DOCK8: variants seen among roughly 807,000 people sequenced by gnomAD.
DOCK8 encodes dedicator of cytokinesis protein 8.
In DOCK8, 141 loss-of-function variants were observed where a neutral mutation model predicts 245.6. The observed-to-expected ratio is 0.57, with a 90% CI of 0.50 to 0.66. DOCK8 has a LOEUF of 0.66. Among genes scored for constraint, DOCK8 ranks in the 30% least tolerant of loss-of-function variants. DOCK8 has a pLI of 0.00. For missense variants in DOCK8, 2,965 were observed against 2,603.4 expected (o/e 1.14, Z -3.02); for synonymous variants, 1,168 against 970.2 (o/e 1.20, Z -3.79).
chr9:439,337 C>T lies in DOCK8; in HGVS notation c.5172C>T (p.Thr1724=), dbSNP rs773729026. The T allele has an allele frequency of 7.4e-5, 119 of 1,614,130 alleles. 1 individual carries two copies. Among genetic ancestry groups the T allele is most frequent in the Admixed American group, 5.7e-4 (34 of 60,032 alleles). Residue 1724 remains threonine, a synonymous_variant, in exon 40 of 48, where the codon ACC becomes ACT. Coordinates refer to ENST00000432829, the MANE Select transcript of DOCK8 (RefSeq NM_203447.4). ...EDGVCAGQYF[T]ESGLVGLLEQ... is the part of the protein sequence containing the mutation. ...GGGTGTGCGCAGGCCAGTACTTCAC[C>T]GAGAGTGGCCTGGTAGGCCTCCTGG...
Position 464,225 on chromosome 9 carries a change from G to A in DOCK8, c.*6G>A. ...AGTTGTCACAGGGCAGCTAAGAAAA[G>A]CCATCTTCATTCGTGGAGACTGTGG... On this transcript the variant is annotated 3_prime_UTR_variant, in exon 48 of 48. Transcript: ENST00000432829. The A allele has an allele frequency of 1.9e-6, 3 of 1,613,024 alleles. No individual in the cohort carries two copies. The Admixed American group carries it at 5.0e-5, about 27-fold the overall frequency.
intron 2 of DOCK8, chr9:284,687 C>G (rs765958290): frequency 7.9e-5 from 12 of 152,184 alleles, no homozygotes; most frequent in Non-Finnish European, 1.6e-4. Context: ...GACATGGAAT[C>G]AACTTAAATG....
intron 6 of DOCK8, chr9:312,831 G>A (rs918889431): frequency 6.2e-5 from 13 of 210,230 alleles, no homozygotes; most frequent in Admixed American, 1.6e-4. Flanking sequence ...TACTGTATAG[G>A]AGGCTCTCAG....
intron 29 of DOCK8, among the ~76,000 whole-genome samples, chr9:416,042 C>G (rs2055991224): frequency 6.6e-6 from 1 of 152,228 alleles, no homozygotes; most frequent in East Asian, 1.9e-4. Flanking sequence ...AAGTAATTCT[C>G]TCCTTTCTTG....
intron 1 of DOCK8, among the ~76,000 whole-genome samples, chr9:220,030 T>A (rs2046847942): frequency 6.6e-6 from 1 of 152,230 alleles, no homozygotes; most frequent in Non-Finnish European, 1.5e-5. Flanking sequence ...TGTATTCAAA[T>A]GTATAGATGT....
At chr9:275,393 G>C (rs1477647764) in intron 2 of DOCK8, among the ~76,000 whole-genome samples, 1 of 152,136 alleles carries the variant, frequency 6.6e-6, no homozygotes, top group Non-Finnish European at 1.5e-5. Flanking sequence ...AGGAGGCAAA[G>C]GCTTGATTGA....
At chr9:217,525 TC>T in intron 1 of DOCK8, among the ~76,000 whole-genome samples, 1 of 152,314 alleles carries the variant, frequency 6.6e-6, no homozygotes, top group East Asian at 1.9e-4. Context: ...GGTTCTATAA[TC>T]CTCAGGCAAG....
At chr9:372,535 G>T (rs2053339470) in intron 18 of DOCK8, among the ~76,000 whole-genome samples, 1 of 152,184 alleles carries the variant, frequency 6.6e-6, no homozygotes, top group Non-Finnish European at 1.5e-5. Flanking sequence ...ACCACAGAGG[G>T]ATTCCCAGAA....
chr9:375,356 G>T (rs1187553148), intron 18 of DOCK8, among the ~76,000 whole-genome samples: 1 of 152,182 alleles, frequency 6.6e-6, no homozygotes, highest in African/African-American at 2.4e-5. Flanking sequence ...CGAAGGTAAT[G>T]ATATATAAAC....
intron 1 of DOCK8, among the ~76,000 whole-genome samples, chr9:235,235 G>C (rs1412867949): frequency 6.6e-5 from 10 of 152,188 alleles, no homozygotes; most frequent in Non-Finnish European, 1.0e-4. Context: ...CGCAAATGCT[G>C]CTGCCTGATT....
intron 1 of DOCK8, among the ~76,000 whole-genome samples, chr9:248,869 T>C (rs192796939): frequency 4.6e-5 from 7 of 152,302 alleles, no homozygotes; most frequent in African/African-American, 1.7e-4. Flanking sequence ...ATAGAGACTC[T>C]CCAGAAACAT....
chr9:405,535 G>A (rs2055374732), intron 27 of DOCK8, among the ~76,000 whole-genome samples: 1 of 152,186 alleles, frequency 6.6e-6, no homozygotes, highest in South Asian at 2.1e-4. Context: ...GGGAGGAGGT[G>A]TGCATGATAA....
intron 46 of DOCK8, among the ~76,000 whole-genome samples, chr9:460,855 C>G (rs2057782788): frequency 6.6e-6 from 1 of 152,206 alleles, no homozygotes; most frequent in African/African-American, 2.4e-5. Context: ...GTCTGGGTAT[C>G]TCCATAACTT....
chr9:423,314 A>G (rs78842900), intron 33 of DOCK8, among the ~76,000 whole-genome samples: 40 of 152,340 alleles, frequency 2.6e-4, no homozygotes, highest in Admixed American at 2.5e-3. Flanking sequence ...CTAAAAGTAT[A>G]TATGTTTGAC....
chr9:363,922 GTTA>G (rs2052853269), intron 14 of DOCK8, among the ~76,000 whole-genome samples: 1 of 152,152 alleles, frequency 6.6e-6, no homozygotes, highest in African/African-American at 2.4e-5. Flanking sequence ...GGCTACTACT[GTTA>G]TGATTTACAC....
chr9:449,167 A>G (rs1404698440), intron 44 of DOCK8, among the ~76,000 whole-genome samples: 2 of 152,172 alleles, frequency 1.3e-5, no homozygotes, highest in Non-Finnish European at 1.5e-5. Context: ...CCTGGCCAAC[A>G]TAGAGAAACC....
intron 30 of DOCK8, 90 bp downstream of exon 30, chr9:418,297 A>G: frequency 6.5e-7 from 1 of 1,544,000 alleles, no homozygotes; most frequent in South Asian, 1.1e-5. Flanking sequence ...TTTGAGACAG[A>G]GTCTCACTCT....
chr9:380,880 T>C (rs145354511), intron 21 of DOCK8: 6,890 of 159,302 alleles, frequency 0.043, 229 homozygotes, highest in South Asian at 0.12. Context: ...GCAGGATCGC[T>C]TGGAGCCAGA....
intron 18 of DOCK8, among the ~76,000 whole-genome samples, chr9:373,252 C>T (rs542625585): frequency 6.6e-6 from 1 of 152,302 alleles, no homozygotes; most frequent in Non-Finnish European, 1.5e-5. Context: ...TAGCCCACTT[C>T]TCAGTTCCTT....
Sources: allele counts gnomAD v4.1 joint callset (sites outside exome capture counted in the v4.1 genomes callset), GRCh38; gene constraint gnomAD v4.1.1; transcripts MANE v1.5; gene names NCBI Gene and HGNC (gene_info 2026-07-23, HGNC 2026-07-21).